DEFB112: variants seen among roughly 807,000 people sequenced by gnomAD.
DEFB112 encodes the protein beta-defensin 112.
A neutral mutation model predicts 1.1 loss-of-function variants in DEFB112; 2 were observed. The observed-to-expected ratio is 1.85, with a 90% CI of 0.76 to 5.83. The LOEUF is 5.83. Among genes scored for constraint, DEFB112 ranks in the 30% most tolerant of loss-of-function variants. The pLI is 0.05. For missense variants in DEFB112, 120 were observed against 94.4 expected (o/e 1.27, Z -1.12); for synonymous variants, 40 against 31.2 (o/e 1.28, Z -0.93).
At chr6:50,043,870 T>G in intron 1 of DEFB112, 69 bp from the exon 2 acceptor site, 1 of 1,318,620 alleles carries the variant, frequency 7.6e-7, no homozygotes, top group Non-Finnish European at 1.1e-6. Flanking sequence ...AAAGAAGACA[T>G]GGGAGTAATC....
intron 1 of DEFB112, 51 bp from the exon 2 acceptor site, chr6:50,043,852 A>G (rs1774789404): frequency 6.9e-7 from 1 of 1,456,046 alleles, no homozygotes; most frequent in Non-Finnish European, 9.6e-7. Context: ...GGGAACTCCC[A>G]AGATTTAAAA....
chr6:50,049,678 C>T (rs1007921122), intron 1 of DEFB112, among the ~76,000 whole-genome samples, 134 bp downstream of exon 1: 15 of 151,932 alleles, frequency 9.9e-5, no homozygotes, highest in African/African-American at 3.6e-4. Context: ...TACCTGAGAA[C>T]TGTGAATAAA....
At chr6:50,044,760 T>C (rs1481323585) in intron 1 of DEFB112, among the ~76,000 whole-genome samples, 2 of 152,062 alleles carry the variant, frequency 1.3e-5, no homozygotes, top group African/African-American at 4.8e-5. Context: ...ATTACTCGAC[T>C]AATATAAGCA....
At chr6:50,049,435 T>C (rs1242099090) in intron 1 of DEFB112, among the ~76,000 whole-genome samples, 1 of 152,150 alleles carries the variant, frequency 6.6e-6, no homozygotes, top group Non-Finnish European at 1.5e-5. Context: ...ATCAATGATT[T>C]CCAAGCATAA....
At position 50,043,595 on chromosome 6, in the gene DEFB112, G is replaced by A. The variant is rs750943527; in HGVS notation, c.265C>T (p.Pro89Ser). ...KDSVGTQEWY[P>S]KDSRH ...TTTCTTCAATGACGTGAGTCTTTAGGGTACCATTCTTGAGTCCCTACTGAG... is the reference window on the plus strand; with the variant it reads ...TTTCTTCAATGACGTGAGTCTTTAGAGTACCATTCTTGAGTCCCTACTGAG... Residue 89 changes from proline (P) to serine (S), a missense_variant, in exon 2 of 2, where the codon CCT becomes TCT. Transcript: ENST00000651554. 4 of 1,612,944 alleles carry A rather than the reference G, an allele frequency of 2.5e-6. No individual in the cohort carries two copies. Among genetic ancestry groups the A allele is most frequent in the Non-Finnish European group, 3.4e-6 (4 of 1,179,434 alleles).
chr6:50,043,846 A>G (rs1301918934), intron 1 of DEFB112, 45 bp from the exon 2 acceptor site: 2 of 1,526,882 alleles, frequency 1.3e-6, no homozygotes, highest in African/African-American at 1.4e-5. Context: ...CTAGGTGGGA[A>G]CTCCCAAGAT....
In DEFB112 at chr6:50,043,582, C is replaced by G; in HGVS notation, c.278G>C (p.Arg93Pro). ...GTQEWYPKDS[R>P]H ...TCTTGTGCATGGATTTCTTCAATGA[C>G]GTGAGTCTTTAGGGTACCATTCTTG... Residue 93 changes from arginine to proline, a missense_variant, in exon 2 of 2, where the codon CGT (arginine) becomes CCT (proline). Transcript: ENST00000651554. 1 of 1,611,888 alleles carries G rather than the reference C, an allele frequency of 6.2e-7. No individual in the cohort carries two copies. Among genetic ancestry groups the G allele is most frequent in the Non-Finnish European group, 8.5e-7 (1 of 1,178,626 alleles).
rs1406797027 is a variant in DEFB112 at position 50,043,290 on chromosome 6, C to T, written c.*285G>A. On this transcript the variant is annotated 3_prime_UTR_variant, in exon 2 of 2. Coordinates refer to ENST00000651554, the MANE Select transcript of DEFB112 (RefSeq NM_001369057.2). ...CTAATGACTCATAATATGCTTTTCA[C>T]ACTAAATAAGGAATTGGCCCCAGAA... Among the ~76,000 whole-genome samples, 1 of 151,968 alleles carries T rather than the reference C, an allele frequency of 6.6e-6. No homozygotes were observed. Among genetic ancestry groups the T allele is most frequent in the African/African-American group, 2.4e-5 (1 of 41,408 alleles).
chr6:50,042,193 G>T lies in DEFB112; in HGVS notation c.*1382C>A, dbSNP rs1243218040. Among the ~76,000 whole-genome samples the T allele has an allele frequency of 6.6e-6, 1 of 151,948 alleles. No individual in the cohort carries two copies. Among genetic ancestry groups the T allele is most frequent in the East Asian group, 1.9e-4 (1 of 5,186 alleles). ...TATACTGTGAGACCCCTGAAGTGGG[G>T]TTCAGAGTTTGGATCATAAACCAAA... On this transcript the variant is annotated 3_prime_UTR_variant, in exon 2 of 2. Transcript: ENST00000651554.
intron 1 of DEFB112, among the ~76,000 whole-genome samples, chr6:50,044,154 T>C (rs1487937523): frequency 6.6e-6 from 1 of 152,108 alleles, no homozygotes; most frequent in Non-Finnish European, 1.5e-5. Context: ...TTCTTAGTAC[T>C]GTTCTGTGGT....
chr6:50,043,577 A>G lies in DEFB112; in HGVS notation c.283T>C (p.Ter95ArgextTer8). The G allele has an allele frequency of 6.2e-7, 1 of 1,611,294 alleles. No individual in the cohort carries two copies. The highest frequency in any genetic ancestry group is 8.5e-7 in the Non-Finnish European group (1 of 1,178,142). The change falls in exon 2 of 2, where the codon TGA (stop) becomes CGA (arginine). Residue 95 changes from the stop codon to arginine, a stop_lost. Transcript: ENST00000651554. Reference protein sequence around the residue: ...QEWYPKDSRH* With the variant: ...QEWYPKDSRHR ...CATCTTCTTGTGCATGGATTTCTTC[A>G]ATGACGTGAGTCTTTAGGGTACCAT...
chr6:50,048,433 A>T, intron 1 of DEFB112: 2 of 926,474 alleles, frequency 2.2e-6, no homozygotes, highest in Non-Finnish European at 3.4e-6. Flanking sequence ...ACATATAAGT[A>T]AACAGGGACT....
In DEFB112 at chr6:50,043,550, A is replaced by G. The variant is rs1447171370; in HGVS notation, c.*25T>C. ...TAATGAGAGGACTTCATTCAGATGT[A>G]TCATCTTCTTGTGCATGGATTTCTT... On this transcript the variant is annotated 3_prime_UTR_variant, in exon 2 of 2. Coordinates refer to ENST00000651554, the MANE Select transcript of DEFB112 (RefSeq NM_001369057.2). 3 of 1,578,178 alleles carry G rather than the reference A, an allele frequency of 1.9e-6. No individual in the cohort carries two copies. Among genetic ancestry groups the G allele is most frequent in the East Asian group, 4.5e-5 (2 of 44,556 alleles).
chr6:50,043,861 A>G (rs1198660732), intron 1 of DEFB112, 60 bp from the exon 2 acceptor site: 2 of 1,407,366 alleles, frequency 1.4e-6, no homozygotes, highest in African/African-American at 1.4e-5. Context: ...CAAGATTTAA[A>G]AGAAGACATG....
intron 1 of DEFB112, among the ~76,000 whole-genome samples, chr6:50,045,230 A>T (rs1354263135): frequency 1.3e-5 from 2 of 152,138 alleles, no homozygotes; most frequent in Non-Finnish European, 2.9e-5. Flanking sequence ...ACAAAGCAAC[A>T]TATCACAAGG....
intron 1 of DEFB112, among the ~76,000 whole-genome samples, 95 bp downstream of exon 1, chr6:50,049,717 A>G (rs1286159667): frequency 6.6e-6 from 1 of 152,094 alleles, no homozygotes; most frequent in Non-Finnish European, 1.5e-5. Flanking sequence ...TGGTATTAAT[A>G]AAATGTTTTA....
rs999382088 is a variant in DEFB112, at chr6:50,049,854, A to G, written c.16T>C (p.Phe6Leu). 3.3e-5 allele frequency among the ~76,000 whole-genome samples: 5 copies of G among 152,144 alleles called. No homozygotes were observed. Among genetic ancestry groups the G allele is most frequent in the African/African-American group, 9.7e-5 (4 of 41,432 alleles). MKILL[F>L]FCILLFFGVL... ...CCAAAGAAAAGCAAAATACAGAAAA[A>G]GAGAAGGATCTTCATTGTAAATGAT... The change falls in exon 1 of 2, where the codon TTT becomes CTT. Residue 6 changes from phenylalanine to leucine, a missense_variant. Physicochemically the swap from Phe to Leu is conservative, Grantham distance 22. Transcript: ENST00000651554.
intron 1 of DEFB112, among the ~76,000 whole-genome samples, 163 bp from the exon 2 acceptor site, chr6:50,043,964 A>AGT (rs1379746638): frequency 6.6e-6 from 1 of 152,120 alleles, no homozygotes; most frequent in Admixed American, 6.6e-5. Flanking sequence ...GAAACCAACA[A>AGT]GTATACAGTT....
At position 50,049,779 on chromosome 6, in the gene DEFB112, C is replaced by T. The variant is rs897850008; in HGVS notation, c.58+33G>A. On this transcript the variant is annotated intron_variant, in intron 1 of 1. Transcript: ENST00000651554. ...CAGCTCCCCGACTTTAATGCTGGCC[C>T]CTTGACCCCTCTAGCAATAATATTC... Among the ~76,000 whole-genome samples, 13 of 151,948 alleles carry T rather than the reference C, an allele frequency of 8.6e-5. No individual in the cohort carries two copies. In the East Asian group the frequency reaches 2.1e-3, roughly 25 times the overall value.
Sources: gnomAD v4.1 joint callset for allele counts (sites outside exome capture counted in the v4.1 genomes callset) on GRCh38, gnomAD v4.1.1 for gene constraint, MANE v1.5 for transcripts, NCBI Gene and HGNC (gene_info 2026-07-23, HGNC 2026-07-21) for gene names.